Variants in SLC4A10 observed in about 807,000 individuals in gnomAD.
SLC4A10 encodes solute carrier family 4 member 10.
A neutral mutation model predicts 137.7 loss-of-function variants in SLC4A10; 42 were observed. That is an observed-to-expected ratio of 0.30 (90% CI 0.24 to 0.39). SLC4A10 has a LOEUF of 0.39. Ranked by LOEUF, SLC4A10 falls within the 10% of genes least tolerant of loss-of-function variation. The pLI is 1.00. For missense variants in SLC4A10, 925 were observed against 1,355.0 expected, an observed-to-expected ratio of 0.68 and a Z score of 4.98; for synonymous variants, 474 against 464.1, an observed-to-expected ratio of 1.02 and a Z score of -0.27.
At position 161,978,301 on chromosome 2, in the gene SLC4A10, C is replaced by T. The variant is rs146771846; in HGVS notation, c.*26+541C>T. The stretch of plus-strand genomic sequence containing the variant: ...ACTTTGGAGGCTGAGGCAGGAGGAT[C>T]GCTTGAGCCCAAGAGGCAGAGGTTG... On this transcript the variant is annotated intron_variant, in intron 26 of 26. Coordinates refer to ENST00000446997, the MANE Select transcript of SLC4A10 (RefSeq NM_001178015.2). Among the ~76,000 whole-genome samples the T allele has an allele frequency of 3.2e-3, 455 of 140,212 alleles. 3 individuals carry two copies. Among genetic ancestry groups the T allele is most frequent in the African/African-American group, 0.011 (430 of 37,498 alleles). The allele number at this position is 140,212 out of a possible 152,430, so 92.0% of individuals were successfully genotyped here. A position where few individuals can be genotyped will look rare whatever the true frequency, so the allele number is the denominator to read the frequency against.
intron 1 of SLC4A10, among the ~76,000 whole-genome samples, chr2:161,644,068 CT>C (rs5835873): frequency 5.4e-4 from 77 of 143,734 alleles, no homozygotes; most frequent in African/African-American, 1.7e-3. Context: ...GGCTTCTAAT[CT>C]TTTTTTTTTT....
At chr2:161,982,087 A>G (rs1700294708) in intron 26 of SLC4A10, among the ~76,000 whole-genome samples, 1 of 152,216 alleles carries the variant, frequency 6.6e-6, no homozygotes, top group African/African-American at 2.4e-5. Flanking sequence ...TATTACTTGG[A>G]GAAGAGTTAT....
intron 4 of SLC4A10, among the ~76,000 whole-genome samples, chr2:161,846,694 C>T (rs576457951): frequency 6.6e-6 from 1 of 152,212 alleles, no homozygotes; most frequent in African/African-American, 2.4e-5. Flanking sequence ...ATATCAAGGG[C>T]ATTATGCTTA....
intron 15 of SLC4A10, among the ~76,000 whole-genome samples, chr2:161,921,048 A>C (rs1230544912): frequency 1.3e-5 from 2 of 152,240 alleles, no homozygotes; most frequent in African/African-American, 4.8e-5. Context: ...AAATAATTGC[A>C]ATGTGATATA....
intron 5 of SLC4A10, among the ~76,000 whole-genome samples, chr2:161,859,656 A>G (rs2060315112): frequency 8.2e-6 from 1 of 122,088 alleles, no homozygotes; most frequent in Admixed American, 1.2e-4. Context: ...GCTGGAGTGC[A>G]GTGGCGCAAT....
intron 3 of SLC4A10, among the ~76,000 whole-genome samples, chr2:161,826,505 G>A (rs116570079): frequency 6.6e-6 from 1 of 152,182 alleles, no homozygotes; most frequent in Non-Finnish European, 1.5e-5. Context: ...TCCAGAAAGT[G>A]TCTAAAAAAT....
At chr2:161,933,179 CTTCTT>C (rs1200929286) in intron 15 of SLC4A10, among the ~76,000 whole-genome samples, 2 of 118,728 alleles carry the variant, frequency 1.7e-5, no homozygotes, top group Non-Finnish European at 1.8e-5. Context: ...TTTCCCCTTC[CTTCTT>C]TTCTTTCTTT....
At chr2:161,839,692 C>G (rs1030228595) in intron 3 of SLC4A10, 97 bp from the exon 4 acceptor site, 2 of 1,372,350 alleles carry the variant, frequency 1.5e-6, no homozygotes, top group Non-Finnish European at 2.0e-6. Flanking sequence ...TGGGGTGGTG[C>G]GAGCTTGGGG....
intron 23 of SLC4A10, among the ~76,000 whole-genome samples, chr2:161,970,793 C>G (rs1425266142): frequency 6.6e-6 from 1 of 152,224 alleles, no homozygotes; most frequent in South Asian, 2.1e-4. Flanking sequence ...AATGCTATCA[C>G]TAAATACAAT....
intron 13 of SLC4A10, 39 bp downstream of exon 13, chr2:161,904,217 C>A (rs573598380): frequency 2.6e-6 from 4 of 1,537,142 alleles, no homozygotes; most frequent in Non-Finnish European, 3.5e-6. Context: ...GAAACATAAT[C>A]CATTTTTAAG....
At chr2:161,979,089 T>G (rs919655295) in intron 26 of SLC4A10, among the ~76,000 whole-genome samples, 5 of 152,216 alleles carry the variant, frequency 3.3e-5, no homozygotes, top group Non-Finnish European at 7.4e-5. Flanking sequence ...TCCAGGTTTA[T>G]GAGCTCAAAA....
intron 15 of SLC4A10, among the ~76,000 whole-genome samples, chr2:161,936,119 A>G (rs1308428232): frequency 2.6e-5 from 4 of 152,134 alleles, no homozygotes; most frequent in African/African-American, 9.7e-5. Flanking sequence ...TCATCCTTGC[A>G]TCTTTGGGAT....
At chr2:161,940,193 C>T (rs759884894) in intron 15 of SLC4A10, among the ~76,000 whole-genome samples, 4 of 152,174 alleles carry the variant, frequency 2.6e-5, no homozygotes, top group Non-Finnish European at 5.9e-5. Context: ...CCTCTCCTCC[C>T]AGCTCAGCAT....
At chr2:161,882,282 A>C (rs2061854048) in intron 9 of SLC4A10, 75 bp from the exon 10 acceptor site, 2 of 787,258 alleles carry the variant, frequency 2.5e-6, no homozygotes, top group East Asian at 6.0e-5. Flanking sequence ...AATTCCTTTG[A>C]GATGAGTGAT....
At chr2:161,867,609 T>C (rs1559420325) in intron 6 of SLC4A10, among the ~76,000 whole-genome samples, 1 of 152,136 alleles carries the variant, frequency 6.6e-6, no homozygotes, top group Admixed American at 6.6e-5. Flanking sequence ...GCAAACATAA[T>C]TCTAGTATGA....
chr2:161,950,806 G>A lies in SLC4A10; in HGVS notation c.2499G>A (p.Gln833=), dbSNP rs898528263. Residue 833 remains glutamine (Q), a synonymous_variant, in exon 19 of 27, where the codon CAG becomes CAA. Coordinates refer to ENST00000446997, the MANE Select transcript of SLC4A10 (RefSeq NM_001178015.2). ...LCTILIFMDQ[Q]ITAVIINRKE... The stretch of plus-strand genomic sequence containing the variant: ...CTATTCTAATTTTTATGGACCAACA[G>A]ATTACAGCTGTCATCATCAACAGGA... The A allele has an allele frequency of 3.1e-6, 5 of 1,605,686 alleles. No individual in the cohort carries two copies. In the African/African-American group the frequency reaches 6.7e-5, roughly 21 times the overall value.
At chr2:161,862,531 T>C (rs2060489838) in intron 5 of SLC4A10, among the ~76,000 whole-genome samples, 1 of 152,188 alleles carries the variant, frequency 6.6e-6, no homozygotes, top group Non-Finnish European at 1.5e-5. Context: ...TTTGATATTA[T>C]CTCTACAGCT....
intron 9 of SLC4A10, among the ~76,000 whole-genome samples, chr2:161,881,648 G>A (rs1281701556): frequency 1.3e-5 from 2 of 152,104 alleles, no homozygotes; most frequent in South Asian, 2.1e-4. Flanking sequence ...TTCCCAGAAG[G>A]ATTGACCTTC....
At chr2:161,674,620 C>A (rs1159569013) in intron 1 of SLC4A10, among the ~76,000 whole-genome samples, 1 of 152,112 alleles carries the variant, frequency 6.6e-6, no homozygotes, top group African/African-American at 2.4e-5. Context: ...ATTTTTATTT[C>A]ATAATATGAT....
Sources: allele counts gnomAD v4.1 joint callset (sites outside exome capture counted in the v4.1 genomes callset), GRCh38; gene constraint gnomAD v4.1.1; transcripts MANE v1.5; gene names NCBI Gene and HGNC (gene_info 2026-07-23, HGNC 2026-07-21).